The following CWC25 variants were observed in gnomAD, a reference collection of about 807,000 sequenced individuals.
The protein encoded by CWC25 is CWC25 spliceosome associated protein, also known as pre-mRNA-splicing factor CWC25 homolog.
CWC25 carries 31 observed loss-of-function variants against 54.6 expected under a neutral mutation model. The observed-to-expected ratio is 0.57, with a 90% CI of 0.43 to 0.77. CWC25 has a LOEUF of 0.77. CWC25 is among the 30% of genes least tolerant of loss of function. The pLI is 0.00. For missense variants in CWC25, 453 were observed against 529.3 expected, an observed-to-expected ratio of 0.86 and a Z score of 1.41; for synonymous variants, 151 against 187.0, an observed-to-expected ratio of 0.81 and a Z score of 1.57.
chr17:38,809,122 A>G (rs1911376750), intron 6 of CWC25, among the ~76,000 whole-genome samples: 1 of 151,114 alleles, frequency 6.6e-6, no homozygotes, highest in Non-Finnish European at 1.5e-5. Context: ...TATGTTTGTC[A>G]AAAATCATCA....
intron 8 of CWC25, among the ~76,000 whole-genome samples, chr17:38,806,070 C>T (rs551397463): frequency 1.3e-4 from 20 of 152,238 alleles, no homozygotes; most frequent in African/African-American, 4.6e-4. Context: ...CCTCAGCCTC[C>T]CAAACTGCTG....
chr17:38,825,302 G>T lies in CWC25; in HGVS notation c.-119C>A. On this transcript the variant is annotated 5_prime_UTR_variant, in exon 1 of 10. Coordinates refer to ENST00000614790, the MANE Select transcript of CWC25 (RefSeq NM_017748.5). The stretch of plus-strand genomic sequence containing the variant: ...GATCTAGTCCCAGGAGCCGTCAACT[G>T]CCAGTTTCACCACCGCTCTAGAGGT... The T allele has an allele frequency of 9.2e-7, 1 of 1,087,188 alleles. No homozygotes were observed. The highest frequency in any genetic ancestry group is 1.3e-6 in the Non-Finnish European group (1 of 766,096). The allele number at this position is 1,087,188 out of a possible 1,614,324, so 67.3% of individuals were successfully genotyped here. A position where few individuals can be genotyped will look rare whatever the true frequency, so the allele number is the denominator to read the frequency against.
chr17:38,804,669 A>C (rs1911156869), intron 8 of CWC25, among the ~76,000 whole-genome samples: 1 of 150,998 alleles, frequency 6.6e-6, no homozygotes, highest in Non-Finnish European at 1.5e-5. Context: ...TTAGCTGGGC[A>C]TGGTGGCATG....
At chr17:38,811,674 A>C (rs1274007455) in intron 4 of CWC25, among the ~76,000 whole-genome samples, 1 of 152,038 alleles carries the variant, frequency 6.6e-6, no homozygotes, top group Non-Finnish European at 1.5e-5. Context: ...GTTCCCTGTC[A>C]ACACACCAGG....
intron 8 of CWC25, among the ~76,000 whole-genome samples, chr17:38,805,693 CT>C (rs1911207772): frequency 1.3e-5 from 2 of 152,166 alleles, no homozygotes; most frequent in South Asian, 4.1e-4. Context: ...AATGCAGTGG[CT>C]TGATCGTAGC....
chr17:38,801,797 A>C lies in CWC25; in HGVS notation c.*295T>G. The C allele has an allele frequency of 3.6e-6, 1 of 276,368 alleles. No individual in the cohort carries two copies. Among genetic ancestry groups the C allele is most frequent in the East Asian group, 7.0e-5 (1 of 14,188 alleles). The allele number at this position is 276,368 out of a possible 1,614,324, so 17.1% of individuals were successfully genotyped here. A position where few individuals can be genotyped will look rare whatever the true frequency, so the allele number is the denominator to read the frequency against. On this transcript the variant is annotated 3_prime_UTR_variant, in exon 10 of 10. Transcript: ENST00000614790. ...ACAGGTAAGAAGGAAGTGGCATGAT[A>C]AACATCACAACCCCAGGGAACAGCC...
At chr17:38,815,662 A>G (rs565029865) in intron 2 of CWC25, 5 of 1,288,872 alleles carry the variant, frequency 3.9e-6, no homozygotes, top group Admixed American at 2.3e-5. Flanking sequence ...GTTCCTCAAC[A>G]TGGGGTGTGG....
At chr17:38,806,187 A>T in intron 8 of CWC25, 110 bp downstream of exon 8, 1 of 920,056 alleles carries the variant, frequency 1.1e-6, no homozygotes, top group Non-Finnish European at 1.7e-6. Flanking sequence ...AAGATAAATA[A>T]AAGTTGGTTC....
chr17:38,819,962 G>A (rs968947431), intron 2 of CWC25, among the ~76,000 whole-genome samples: 4 of 147,976 alleles, frequency 2.7e-5, no homozygotes, highest in East Asian at 2.0e-4. Context: ...GTAAGCCATC[G>A]TGCCTGGCTA....
intron 2 of CWC25, chr17:38,815,537 G>T: frequency 5.0e-6 from 3 of 605,538 alleles, no homozygotes; most frequent in Non-Finnish European, 8.2e-6. Flanking sequence ...GGGTGACGGA[G>T]CCAGACCTTG....
At chr17:38,810,922 A>AAC (rs1217792160) in intron 4 of CWC25, among the ~76,000 whole-genome samples, 1 of 144,408 alleles carries the variant, frequency 6.9e-6, no homozygotes, top group East Asian at 2.0e-4. Flanking sequence ...CTGTGTCTCA[A>AAC]AAAAAAAAAA....
intron 1 of CWC25, among the ~76,000 whole-genome samples, chr17:38,824,132 G>C (rs761487121): frequency 6.6e-6 from 1 of 152,188 alleles, no homozygotes; most frequent in Non-Finnish European, 1.5e-5. Context: ...CGGCTAAGCT[G>C]ATCTACTTGC....
In CWC25 at chr17:38,825,220, A is replaced by C; in HGVS notation, c.-37T>G. On this transcript the variant is annotated 5_prime_UTR_variant, in exon 1 of 10. Coordinates refer to ENST00000614790, the MANE Select transcript of CWC25 (RefSeq NM_017748.5). ...CGATTCCTCACTACGCGGATCTGGA[A>C]GATTTCGGGAGGATCAAGAGAAAAC... 1 of 1,580,108 alleles carries C rather than the reference A, an allele frequency of 6.3e-7. No individual in the cohort carries two copies. The highest frequency in any genetic ancestry group is 8.6e-7 in the Non-Finnish European group (1 of 1,163,964).
intron 2 of CWC25, among the ~76,000 whole-genome samples, chr17:38,819,498 C>G (rs1911837675): frequency 6.6e-6 from 1 of 151,724 alleles, no homozygotes; most frequent in Non-Finnish European, 1.5e-5. Context: ...TCCCGAGTAG[C>G]TAGGACTACA....
At chr17:38,819,573 T>C (rs1911842054) in intron 2 of CWC25, among the ~76,000 whole-genome samples, 1 of 151,528 alleles carries the variant, frequency 6.6e-6, no homozygotes, top group Admixed American at 6.6e-5. Flanking sequence ...GGTTTCACCG[T>C]GTTGGCCAGG....
At position 38,802,669 on chromosome 17, in the gene CWC25, AAAGACCCTGGCAGG is replaced by A; in HGVS notation, c.1163+17_1163+30del. ...CCTGCCTCTTAAGACCTTCCCCATG[AAAGACCCTGGCAGG>A]AAGAAGATGCACTCACTGGATGAAC... On this transcript the variant is annotated intron_variant, in intron 9 of 9. Transcript: ENST00000614790. The A allele has an allele frequency of 6.2e-7, 1 of 1,611,778 alleles. No individual in the cohort carries two copies. The highest frequency in any genetic ancestry group is 1.7e-5 in the Admixed American group (1 of 59,776).
At chr17:38,802,569 G>A (rs1263559225) in intron 9 of CWC25, 131 bp downstream of exon 9, 3 of 927,924 alleles carry the variant, frequency 3.2e-6, no homozygotes, top group Non-Finnish European at 4.8e-6. Flanking sequence ...GAAAGGAAGA[G>A]TAGTAGCCAA....
chr17:38,818,764 A>G (rs909230066), intron 2 of CWC25, among the ~76,000 whole-genome samples: 1 of 152,050 alleles, frequency 6.6e-6, no homozygotes, highest in East Asian at 1.9e-4. Flanking sequence ...AAAACAAAGC[A>G]TATAAAATCA....
chr17:38,811,270 A>G (rs1774498451), intron 4 of CWC25, among the ~76,000 whole-genome samples: 1 of 151,160 alleles, frequency 6.6e-6, no homozygotes, highest in Admixed American at 6.6e-5. Flanking sequence ...GGGGTGGCTC[A>G]TACCTGTAAT....
Sources: gnomAD v4.1 joint callset for allele counts (sites outside exome capture counted in the v4.1 genomes callset) on GRCh38, gnomAD v4.1.1 for gene constraint, MANE v1.5 for transcripts, NCBI Gene and HGNC (gene_info 2026-07-23, HGNC 2026-07-21) for gene names.